Variants in DCLK2 observed in about 807,000 individuals in gnomAD.
DCLK2 encodes the protein serine/threonine-protein kinase DCLK2.
In DCLK2, 31 loss-of-function variants were observed where a neutral mutation model predicts 78.4. The observed-to-expected ratio is 0.40, with a 90% CI of 0.30 to 0.53. DCLK2 has a LOEUF of 0.53. Ranked by LOEUF, DCLK2 falls within the 20% of genes least tolerant of loss-of-function variation. The pLI is 0.61. For missense variants in DCLK2, 872 were observed against 973.7 expected (o/e 0.90, Z 1.39); for synonymous variants, 407 against 374.9 (o/e 1.09, Z -0.99).
intron 2 of DCLK2, among the ~76,000 whole-genome samples, chr4:150,181,943 C>A (rs1446174356): frequency 6.6e-6 from 1 of 152,154 alleles, no homozygotes; most frequent in Admixed American, 6.5e-5. Flanking sequence ...GCTTACTGAC[C>A]TGTGAATTTG....
chr4:150,111,053 G>T (rs1580521618), intron 2 of DCLK2, among the ~76,000 whole-genome samples: 1 of 152,060 alleles, frequency 6.6e-6, no homozygotes, highest in East Asian at 1.9e-4. Context: ...CTTTAAGAAG[G>T]CTTTGTACTG....
intron 8 of DCLK2, among the ~76,000 whole-genome samples, chr4:150,229,043 CAAAA>C (rs796791135): frequency 1.5e-5 from 2 of 137,274 alleles, no homozygotes; most frequent in African/African-American, 5.4e-5. Context: ...AAAAAAAAAA[CAAAA>C]AAAAAAACTA....
chr4:150,178,386 T>A (rs894826542), intron 2 of DCLK2, among the ~76,000 whole-genome samples: 1 of 152,210 alleles, frequency 6.6e-6, no homozygotes, highest in African/African-American at 2.4e-5. Context: ...CCAATATCAA[T>A]TTCACTTTTA....
chr4:150,121,905 G>A (rs1298599930), intron 2 of DCLK2, among the ~76,000 whole-genome samples: 3 of 152,210 alleles, frequency 2.0e-5, no homozygotes, highest in Non-Finnish European at 2.9e-5. Context: ...TTGTCAAAGA[G>A]CAGTAATATT....
At chr4:150,209,865 G>A (rs972522792) in intron 5 of DCLK2, 4 of 152,326 alleles carry the variant, frequency 2.6e-5, no homozygotes, top group Non-Finnish European at 4.4e-5. Context: ...CACGAGTTCA[G>A]GGGTTCAAGA....
At position 150,243,317 on chromosome 4, in the gene DCLK2, T is replaced by G. The variant is rs572934861; in HGVS notation, c.1778+2841T>G. 2.6e-5 allele frequency among the ~76,000 whole-genome samples: 4 copies of G among 152,296 alleles called. No homozygotes were observed. In the South Asian group the frequency reaches 8.3e-4, roughly 32 times the overall value. ...AGACCTCCAGGTAGCTTTTAAAAATTAAGACAGCGCTTTCCCTCTTTTATA... is the reference window on the plus strand; with the variant it reads ...AGACCTCCAGGTAGCTTTTAAAAATGAAGACAGCGCTTTCCCTCTTTTATA... On this transcript the variant is annotated intron_variant, in intron 12 of 15. Coordinates refer to ENST00000296550, the MANE Select transcript of DCLK2 (RefSeq NM_001040260.4).
At chr4:150,105,748 G>A (rs1244455945) in intron 2 of DCLK2, among the ~76,000 whole-genome samples, 2 of 152,022 alleles carry the variant, frequency 1.3e-5, no homozygotes, top group African/African-American at 2.4e-5. Context: ...ACTGGCCATT[G>A]AAAATTATGT....
Position 150,248,475 on chromosome 4 carries a change from T to C in DCLK2, c.1956+90T>C, listed in dbSNP as rs541898340. 7.2e-5 allele frequency: 77 copies of C among 1,063,676 alleles called. No homozygotes were observed. In the South Asian group the frequency reaches 1.0e-3, roughly 14 times the overall value. 65.9% of individuals were successfully genotyped at this position (1,063,676 alleles called of 1,614,324 possible). ...ACTGTGATGTTTGCACATGCAAAAG[T>C]TATGCATCCAAGCTCCATGGTAGAT... On this transcript the variant is annotated intron_variant, in intron 14 of 15. Coordinates refer to ENST00000296550, the MANE Select transcript of DCLK2 (RefSeq NM_001040260.4).
chr4:150,130,178 ACT>A (rs1733201052), intron 2 of DCLK2, among the ~76,000 whole-genome samples: 1 of 152,098 alleles, frequency 6.6e-6, no homozygotes, highest in African/African-American at 2.4e-5. Flanking sequence ...ATATGTATTC[ACT>A]GAGAGCCCCC....
intron 1 of DCLK2, among the ~76,000 whole-genome samples, chr4:150,096,421 A>G (rs1459587249): frequency 6.6e-6 from 1 of 152,218 alleles, no homozygotes. Flanking sequence ...AGAAAGATCT[A>G]GGCCAGAAAT....
chr4:150,078,970 G>T lies in DCLK2; in HGVS notation c.-58G>T, dbSNP rs988739376. 6.8e-6 allele frequency: 10 copies of T among 1,476,298 alleles called. No homozygotes were observed. The East Asian group carries it at 1.5e-4, about 22-fold the overall frequency. 91.4% of individuals were successfully genotyped at this position (1,476,298 alleles called of 1,614,324 possible). ...CGCAGTCAGACGTCCCTGCACCGGC[G>T]CTCGCACCCTTAGTCGGCCCGGAAC... On this transcript the variant is annotated 5_prime_UTR_variant, in exon 1 of 16. Transcript: ENST00000296550.
intron 3 of DCLK2, among the ~76,000 whole-genome samples, chr4:150,194,022 G>GACACACACGCAC (rs1169948781): frequency 7.5e-6 from 1 of 133,782 alleles, no homozygotes; most frequent in East Asian, 2.3e-4. Flanking sequence ...AAAGTGCTGG[G>GACACACACGCAC]ACACACACAC....
chr4:150,253,989 G>A (rs1486431472), intron 15 of DCLK2: 1 of 847,818 alleles, frequency 1.2e-6, no homozygotes, highest in Non-Finnish European at 1.4e-6. Context: ...TAATGGGTGA[G>A]GCCTTGGTTT....
At chr4:150,164,157 A>C (rs1051408025) in intron 2 of DCLK2, among the ~76,000 whole-genome samples, 2 of 152,200 alleles carry the variant, frequency 1.3e-5, no homozygotes, top group Non-Finnish European at 2.9e-5. Context: ...TGGAAGTTAG[A>C]GTATAATGTC....
At chr4:150,212,190 T>C (rs1047984943) in intron 5 of DCLK2, among the ~76,000 whole-genome samples, 1 of 152,214 alleles carries the variant, frequency 6.6e-6, no homozygotes, top group Non-Finnish European at 1.5e-5. Context: ...TTTGGAACAT[T>C]ATCCAACATC....
At chr4:150,172,920 C>T (rs1736663701) in intron 2 of DCLK2, among the ~76,000 whole-genome samples, 1 of 152,110 alleles carries the variant, frequency 6.6e-6, no homozygotes, top group Non-Finnish European at 1.5e-5. Context: ...TGCTTCTTAA[C>T]CCTGTACTAC....
At chr4:150,182,038 T>A (rs1374680900) in intron 2 of DCLK2, among the ~76,000 whole-genome samples, 2 of 152,042 alleles carry the variant, frequency 1.3e-5, no homozygotes, top group Non-Finnish European at 2.9e-5. Context: ...CCTGTTCATT[T>A]TTTTTTTTAA....
chr4:150,081,093 A>G (rs1316008841), intron 1 of DCLK2, among the ~76,000 whole-genome samples: 1 of 152,252 alleles, frequency 6.6e-6, no homozygotes, highest in Non-Finnish European at 1.5e-5. Flanking sequence ...TTGCAGGATC[A>G]AGGCAATGCC....
chr4:150,223,407 C>A (rs947963859), intron 7 of DCLK2, among the ~76,000 whole-genome samples: 22 of 152,266 alleles, frequency 1.4e-4, no homozygotes, highest in Admixed American at 4.6e-4. Context: ...TACTCAAAGA[C>A]ATTTTTGGCA....
Sources: gnomAD v4.1 joint callset for allele counts (sites outside exome capture counted in the v4.1 genomes callset) on GRCh38, gnomAD v4.1.1 for gene constraint, MANE v1.5 for transcripts, NCBI Gene and HGNC (gene_info 2026-07-23, HGNC 2026-07-21) for gene names.